Variants in SLC12A4 observed in about 807,000 individuals in gnomAD.
SLC12A4 encodes solute carrier family 12 member 4.
Under a neutral mutation model 119.2 loss-of-function variants are expected in SLC12A4, and 84 were observed. That is an observed-to-expected ratio of 0.70 (90% CI 0.59 to 0.85). The LOEUF is 0.85. Ranked by LOEUF, SLC12A4 falls within the 40% of genes least tolerant of loss-of-function variation. The pLI, the probability that SLC12A4 is intolerant of heterozygous loss-of-function variation, is 0.00. For synonymous variants in SLC12A4, 599 were observed against 604.6 expected, an observed-to-expected ratio of 0.99 and a Z score of 0.14; for missense variants, 1,298 against 1,476.3, an observed-to-expected ratio of 0.88 and a Z score of 1.98.
chr16:67,966,683 G>T, intron 1 of SLC12A4: 2 of 1,539,810 alleles, frequency 1.3e-6, no homozygotes, highest in Non-Finnish European at 8.8e-7. Context: ...GCAGGAGATA[G>T]ATCTGAGGCT....
chr16:67,945,667 T>G, intron 21 of SLC12A4, 97 bp downstream of exon 21: 1 of 1,496,550 alleles, frequency 6.7e-7, no homozygotes, highest in Non-Finnish European at 9.1e-7. Context: ...TGGGTAGGGC[T>G]GCGGTGAGTC....
chr16:67,960,667 G>A (rs1006230846), intron 3 of SLC12A4, among the ~76,000 whole-genome samples: 1 of 151,422 alleles, frequency 6.6e-6, no homozygotes, highest in Admixed American at 6.6e-5. Context: ...AAACCTCAGG[G>A]AGTCAGTGTG....
chr16:67,949,839 A>G lies in SLC12A4; in HGVS notation c.1709T>C (p.Leu570Pro). 1 of 1,610,184 alleles carries G rather than the reference A, an allele frequency of 6.2e-7. No individual in the cohort carries two copies. The highest frequency in any genetic ancestry group is 8.5e-7 in the Non-Finnish European group (1 of 1,178,228). The change falls in exon 13 of 24, where the codon CTC (leucine) becomes CCC (proline). Residue 570 changes from leucine to proline, a missense_variant. Coordinates refer to ENST00000316341, the MANE Select transcript of SLC12A4 (RefSeq NM_005072.5). This position sits in a 1 kb window ranked among gnomAD's most constrained non-coding sequence, Gnocchi z 4.6. Reference protein sequence around the residue: ...LTALIAELGILIASLDMVAPI... With the variant: ...LTALIAELGIPIASLDMVAPI... ...GGCCACCATGTCGAGGGAGGCGATG[A>G]GGATGCCCAGCTCGGCGATGAGTGC... is the stretch of plus-strand genomic sequence containing the variant.
intron 23 of SLC12A4, 43 bp downstream of exon 23, chr16:67,945,044 T>A (rs1328316255): frequency 5.0e-6 from 8 of 1,586,718 alleles, no homozygotes; most frequent in Non-Finnish European, 6.9e-6. Context: ...TGACCTCCCA[T>A]GCTATCCACC....
rs547301919 is a variant in SLC12A4 at position 67,968,168 on chromosome 16, G to A, written c.115+271C>T. On this transcript the variant is annotated intron_variant, in intron 1 of 23. Transcript: ENST00000316341. ...GGCGGCCCGGCCGGCTGGCCTCCCT[G>A]GGCGGCCACGTCTGCAGCCCCCGCC... is the stretch of plus-strand genomic sequence containing the variant. 6.4e-3 allele frequency among the ~76,000 whole-genome samples: 978 copies of A among 152,178 alleles called. 11 individuals carry two copies. Among genetic ancestry groups the A allele is most frequent in the African/African-American group, 0.022 (933 of 41,548 alleles).
Position 67,961,572 on chromosome 16 carries a change from C to G in SLC12A4, c.342+3G>C, listed in dbSNP as rs903119154. ...GGCCCCTCTGCCGCCCCAACCAGCT[C>G]ACCTCGGCTGCCCTCCGGCGGGTGC... On this transcript the variant is annotated splice_donor_region_variant and intron_variant, in intron 3 of 23. Transcript: ENST00000316341. The G allele has an allele frequency of 6.2e-7, 1 of 1,612,494 alleles. No homozygotes were observed. The highest frequency in any genetic ancestry group is 1.3e-5 in the African/African-American group (1 of 74,944).
Position 67,951,634 on chromosome 16 carries a change from C to T in SLC12A4, c.1132+189G>A, listed in dbSNP as rs977113245. On this transcript the variant is annotated intron_variant, in intron 8 of 23. Coordinates refer to ENST00000316341, the MANE Select transcript of SLC12A4 (RefSeq NM_005072.5). The surrounding 1 kb of genome is among the most constrained non-coding windows in gnomAD (Gnocchi z 5.2). The stretch of plus-strand genomic sequence containing the variant: ...AAGACAGGCTGCTGCAGGCCTTGGA[C>T]GCTGGCCAGACAGGCTCCACTCACT... The T allele has an allele frequency of 2.2e-5, 14 of 627,930 alleles. No homozygotes were observed. The highest frequency in any genetic ancestry group is 1.7e-4 in the Admixed American group (6 of 34,412). The allele number at this position is 627,930 out of a possible 1,614,324, so 38.9% of individuals were successfully genotyped here.
Position 67,944,768 on chromosome 16 carries a change from C to T in SLC12A4, c.*72G>A. The T allele has an allele frequency of 6.4e-7, 1 of 1,568,650 alleles. No individual in the cohort carries two copies. ...CTGGCAGGTGGGTGCTGGGAAGAGG[C>T]TGTTACCCCAGACCACAGCTTGTTA... On this transcript the variant is annotated 3_prime_UTR_variant, in exon 24 of 24. Coordinates refer to ENST00000316341, the MANE Select transcript of SLC12A4 (RefSeq NM_005072.5). The surrounding 1 kb of genome is among the most constrained non-coding windows in gnomAD (Gnocchi z 6.6).
chr16:67,954,736 C>A lies in SLC12A4; in HGVS notation c.582G>T (p.Gly194=), dbSNP rs1455362720. 2 of 1,614,096 alleles carry A rather than the reference C, an allele frequency of 1.2e-6. No individual in the cohort carries two copies. The highest frequency in any genetic ancestry group is 2.2e-5 in the East Asian group (1 of 44,878). Residue 194 remains glycine, a synonymous_variant, in exon 6 of 24, where the codon GGG becomes GGT. Transcript: ENST00000316341. ...GGCCCACAGCACCTCCAAATTCTGGCCCCAGTGAACGAGAGATCATGAAAT... is the reference window on the plus strand; with the variant it reads ...GGCCCACAGCACCTCCAAATTCTGGACCCAGTGAACGAGAGATCATGAAAT... ...GSYFMISRSL[G]PEFGGAVGLC...
chr16:67,966,694 C>A (rs1454243118), intron 1 of SLC12A4: 2 of 1,547,490 alleles, frequency 1.3e-6, no homozygotes, highest in African/African-American at 2.7e-5. Flanking sequence ...ATCTGAGGCT[C>A]ACTGTGCTTT....
chr16:67,964,815 T>C (rs1110536), intron 1 of SLC12A4, among the ~76,000 whole-genome samples: 5,700 of 152,300 alleles, frequency 0.037, 348 homozygotes, highest in African/African-American at 0.13. Context: ...TGAGGCATCC[T>C]CCTGTATCTG....
chr16:67,946,498 G>C lies in SLC12A4; in HGVS notation c.2377C>G (p.Leu793Val). The C allele has an allele frequency of 1.2e-6, 2 of 1,609,178 alleles. No individual in the cohort carries two copies. ...LGGMRHNSVV[L>V]GWPYGWRQSE... ...TGTCGCCAGCCGTAGGGCCAGCCCA[G>C]CACCACGGAGTTATGCCGCATGCCT... The change falls in exon 18 of 24, where the codon CTG becomes GTG. Residue 793 changes from leucine (L) to valine (V), a missense_variant. Coordinates refer to ENST00000316341, the MANE Select transcript of SLC12A4 (RefSeq NM_005072.5).
In SLC12A4 at chr16:67,952,288, C is replaced by T; in HGVS notation, c.813G>A (p.Lys271=). 1.2e-6 allele frequency: 2 copies of T among 1,614,154 alleles called. No homozygotes were observed. The highest frequency in any genetic ancestry group is 1.7e-6 in the Non-Finnish European group (2 of 1,180,020). ...FMTLVVFVGV[K]YVNKFASLFL... The stretch of plus-strand genomic sequence containing the variant: ...AGAGCGAGGCAAATTTGTTCACATA[C>T]TTGACCCCCACAAACACCACCAGGG... The change falls in exon 7 of 24, where the codon AAG becomes AAA. Residue 271 remains lysine (K), a synonymous_variant. Coordinates refer to ENST00000316341, the MANE Select transcript of SLC12A4 (RefSeq NM_005072.5).
Position 67,951,858 on chromosome 16 carries a change from G to A in SLC12A4, c.1097C>T (p.Pro366Leu). 1 of 1,613,664 alleles carries A rather than the reference G, an allele frequency of 6.2e-7. No individual in the cohort carries two copies. The highest frequency in any genetic ancestry group is 8.5e-7 in the Non-Finnish European group (1 of 1,179,954). Reference protein sequence around the residue: ...YFMLNNVTEIPGIPGAAAGVL... With the variant: ...YFMLNNVTEILGIPGAAAGVL... ...ACCAGCAGCTGCCCCGGGGATGCCAGGGATCTCGGTCACATTGTTGAGCAT... is the reference window on the plus strand; with the variant it reads ...ACCAGCAGCTGCCCCGGGGATGCCAAGGATCTCGGTCACATTGTTGAGCAT... Residue 366 changes from proline to leucine, a missense_variant, in exon 8 of 24, where the codon CCT (proline) becomes CTT (leucine). Coordinates refer to ENST00000316341, the MANE Select transcript of SLC12A4 (RefSeq NM_005072.5). This position sits in a 1 kb window ranked among gnomAD's most constrained non-coding sequence, Gnocchi z 5.2.
At chr16:67,958,178 G>A in intron 3 of SLC12A4, 134 bp from the exon 4 acceptor site, 2 of 826,488 alleles carry the variant, frequency 2.4e-6, no homozygotes, top group East Asian at 5.3e-5. Flanking sequence ...TGACAGCTAG[G>A]ATGTCTCTAT....
At chr16:67,964,190 G>A (rs560318001) in intron 1 of SLC12A4, 2 of 1,171,508 alleles carry the variant, frequency 1.7e-6, no homozygotes, top group South Asian at 1.6e-5. Context: ...GGACGGGTGG[G>A]TGTCGGACTG....
chr16:67,949,734 C>T lies in SLC12A4; in HGVS notation c.1748+66G>A. On this transcript the variant is annotated intron_variant, in intron 13 of 23. Coordinates refer to ENST00000316341, the MANE Select transcript of SLC12A4 (RefSeq NM_005072.5). The surrounding 1 kb of genome is among the most constrained non-coding windows in gnomAD (Gnocchi z 4.6). ...CTGGACCTCCAACACCAGACGCAGC[C>T]ACGGGGAGGTGCTGGGGTTCAGGAA... 9.0e-7 allele frequency: 1 copy of T among 1,109,340 alleles called. No homozygotes were observed. The highest frequency in any genetic ancestry group is 1.3e-6 in the Non-Finnish European group (1 of 756,008). The allele number at this position is 1,109,340 out of a possible 1,614,324, so 68.7% of individuals were successfully genotyped here.
chr16:67,945,669 C>T (rs1189288644), intron 21 of SLC12A4, 95 bp downstream of exon 21: 14 of 1,492,110 alleles, frequency 9.4e-6, no homozygotes, highest in South Asian at 6.1e-5. Context: ...GGTAGGGCTG[C>T]GGTGAGTCAT....
intron 15 of SLC12A4, 48 bp from the exon 16 acceptor site, chr16:67,947,483 TTCTG>T: frequency 6.3e-7 from 1 of 1,584,332 alleles, no homozygotes; most frequent in Non-Finnish European, 8.6e-7. Context: ...GCCCAGGGGG[TTCTG>T]TCTATGTGGA....
Sources: allele counts gnomAD v4.1 joint callset (sites outside exome capture counted in the v4.1 genomes callset), GRCh38; gene constraint gnomAD v4.1.1; non-coding constraint Gnocchi (gnomAD v3.1); transcripts MANE v1.5; gene names NCBI Gene and HGNC (gene_info 2026-07-23, HGNC 2026-07-21).